The following FHIT variants were observed in gnomAD, a reference collection of about 807,000 sequenced individuals.
FHIT encodes the protein bis(5'-adenosyl)-triphosphatase.
Under a neutral mutation model 17.9 loss-of-function variants are expected in FHIT, and 19 were observed. That is an observed-to-expected ratio of 1.06 (90% CI 0.74 to 1.56). The LOEUF is 1.56. Among genes scored for constraint, FHIT ranks in the 40% most tolerant of loss-of-function variants. FHIT has a pLI of 0.00. For synonymous variants in FHIT, 81 were observed against 69.7 expected (o/e 1.16, Z -0.81); for missense variants, 248 against 189.2 (o/e 1.31, Z -1.82).
At chr3:60,589,908 T>C (rs2038028802) in intron 4 of FHIT, among the ~76,000 whole-genome samples, 2 of 152,202 alleles carry the variant, frequency 1.3e-5, no homozygotes, top group East Asian at 1.9e-4. Flanking sequence ...CATCTTCTTA[T>C]GCATTAGGTA....
chr3:60,636,590 TTG>T (rs1227169339), intron 4 of FHIT, among the ~76,000 whole-genome samples: 1 of 152,040 alleles, frequency 6.6e-6, no homozygotes, highest in Non-Finnish European at 1.5e-5. Flanking sequence ...GCTGAAAATT[TTG>T]TGTTATTCTT....
At chr3:60,255,867 CA>C (rs998392578) in intron 5 of FHIT, among the ~76,000 whole-genome samples, 3 of 149,306 alleles carry the variant, frequency 2.0e-5, no homozygotes, top group South Asian at 2.1e-4. Context: ...AAAACAAAAA[CA>C]AAAAAAAACA....
intron 5 of FHIT, among the ~76,000 whole-genome samples, chr3:60,444,360 T>G (rs1240329473): frequency 6.6e-6 from 1 of 152,158 alleles, no homozygotes; most frequent in Non-Finnish European, 1.5e-5. Flanking sequence ...ATCCAAAGGA[T>G]TATAAATCAT....
At chr3:60,665,156 T>G (rs2040352504) in intron 4 of FHIT, among the ~76,000 whole-genome samples, 1 of 151,980 alleles carries the variant, frequency 6.6e-6, no homozygotes, top group Admixed American at 6.6e-5. Context: ...GGATAACACA[T>G]TCTGTAAAAA....
intron 2 of FHIT, among the ~76,000 whole-genome samples, chr3:61,166,070 G>A (rs1041636951): frequency 4.6e-5 from 7 of 152,114 alleles, no homozygotes; most frequent in Admixed American, 4.6e-4. Flanking sequence ...TTAGGAATTG[G>A]GCAGGAGGAA....
chr3:60,611,059 G>A (rs1278274497), intron 4 of FHIT, among the ~76,000 whole-genome samples: 1 of 152,138 alleles, frequency 6.6e-6, no homozygotes, highest in African/African-American at 2.4e-5. Flanking sequence ...CTAGCCAAGG[G>A]GTCCAGCTGT....
chr3:60,337,672 G>C (rs147229056), intron 5 of FHIT, among the ~76,000 whole-genome samples: 4 of 152,142 alleles, frequency 2.6e-5, no homozygotes, highest in Admixed American at 2.6e-4. Flanking sequence ...CCACTGCACT[G>C]AGTTGCTTTG....
At chr3:60,178,643 A>T (rs1701789116) in intron 5 of FHIT, among the ~76,000 whole-genome samples, 1 of 152,136 alleles carries the variant, frequency 6.6e-6, no homozygotes, top group Non-Finnish European at 1.5e-5. Flanking sequence ...GATTCACTTC[A>T]TCAACTCTAA....
chr3:60,178,659 AAAT>A (rs1444853907), intron 5 of FHIT, among the ~76,000 whole-genome samples: 1 of 152,142 alleles, frequency 6.6e-6, no homozygotes, highest in East Asian at 1.9e-4. Flanking sequence ...TCTAAGATTT[AAAT>A]AATACTAACA....
chr3:59,846,672 T>G (rs1248006599), intron 8 of FHIT, among the ~76,000 whole-genome samples: 1 of 152,144 alleles, frequency 6.6e-6, no homozygotes, highest in African/African-American at 2.4e-5. Context: ...ACAAAGACCT[T>G]TATTTCTTTA....
chr3:60,710,954 A>C (rs2041511012), intron 4 of FHIT, among the ~76,000 whole-genome samples: 1 of 152,218 alleles, frequency 6.6e-6, no homozygotes. Flanking sequence ...AGATCTGAGA[A>C]TGGGCAGACT....
chr3:59,956,107 C>T (rs1461988031), intron 7 of FHIT, among the ~76,000 whole-genome samples: 4 of 152,320 alleles, frequency 2.6e-5, no homozygotes, highest in East Asian at 1.9e-4. Flanking sequence ...ATTTTTCATA[C>T]TCGGAACAAT....
intron 2 of FHIT, among the ~76,000 whole-genome samples, chr3:61,143,810 G>GT (rs1263361054): frequency 6.6e-6 from 1 of 152,194 alleles, no homozygotes; most frequent in Non-Finnish European, 1.5e-5. Context: ...AGGTTGCAGT[G>GT]TGCTGAGATT....
intron 8 of FHIT, among the ~76,000 whole-genome samples, chr3:59,812,390 TCAGA>T (rs1308829917): frequency 6.6e-6 from 1 of 152,084 alleles, no homozygotes; most frequent in Non-Finnish European, 1.5e-5. Context: ...TAGATCTGAG[TCAGA>T]CTGGAAGAAG....
At chr3:59,910,983 G>A (rs2107138275) in intron 8 of FHIT, among the ~76,000 whole-genome samples, 1 of 151,836 alleles carries the variant, frequency 6.6e-6, no homozygotes, top group Middle Eastern at 3.4e-3. Context: ...AATAAAAACA[G>A]GCAAGACTAG....
intron 5 of FHIT, among the ~76,000 whole-genome samples, chr3:60,448,365 C>A (rs1457726694): frequency 2.0e-5 from 3 of 152,020 alleles, no homozygotes; most frequent in Admixed American, 1.3e-4. Flanking sequence ...TAAAAGCAAA[C>A]AAAAAATAAT....
chr3:61,125,285 A>G (rs2036576057), intron 2 of FHIT, among the ~76,000 whole-genome samples: 1 of 152,204 alleles, frequency 6.6e-6, no homozygotes, highest in Non-Finnish European at 1.5e-5. Context: ...GAATCAAAAT[A>G]TTTTTACCAC....
At chr3:59,917,579 T>C (rs189248817) in intron 8 of FHIT, among the ~76,000 whole-genome samples, 6 of 152,246 alleles carry the variant, frequency 3.9e-5, no homozygotes, top group Non-Finnish European at 7.4e-5. Context: ...CTTGGCATAA[T>C]TCATGAAAAT....
intron 4 of FHIT, among the ~76,000 whole-genome samples, chr3:60,762,410 CTCTTTCTTCTGCCTGTGA>C: frequency 6.6e-6 from 1 of 152,306 alleles, no homozygotes; most frequent in South Asian, 2.1e-4. Flanking sequence ...AGATCCTTCC[CTCTTTCTTCTGCCTGTGA>C]TGCCCAGGGA....
Sources: gnomAD v4.1 joint callset for allele counts (sites outside exome capture counted in the v4.1 genomes callset) on GRCh38, gnomAD v4.1.1 for gene constraint, MANE v1.5 for transcripts, NCBI Gene and HGNC (gene_info 2026-07-23, HGNC 2026-07-21) for gene names.